The following BMERB1 variants were observed in gnomAD, a reference collection of about 807,000 sequenced individuals.
The protein encoded by BMERB1 is bMERB domain containing 1.
Under a neutral mutation model 23.6 loss-of-function variants are expected in BMERB1, and 12 were observed. The observed-to-expected ratio is 0.51, with a 90% CI of 0.33 to 0.82. The LOEUF (loss-of-function observed/expected upper bound fraction) is 0.82. Among genes scored for constraint, BMERB1 ranks in the 40% least tolerant of loss-of-function variants. The probability of loss-of-function intolerance (pLI) is 0.03; values close to 1 mark genes in which losing one functional copy is unlikely to be tolerated. For missense variants in BMERB1, 247 were observed against 255.4 expected (o/e 0.97, Z 0.22); for synonymous variants, 122 against 96.6 (o/e 1.26, Z -1.54).
rs754135430 is a variant in BMERB1 at position 15,494,877 on chromosome 16, C to CTTTTTTTTT, written c.107-20412_107-20404dup. On this transcript the variant is annotated intron_variant, in intron 1 of 5. Transcript: ENST00000300006. ...TGTTGGTAAATTTCCTTTTTTTTAT[C>CTTTTTTTTT]TTTTTTTTTTTTTTTTTTTTTTTTG... Among the ~76,000 whole-genome samples, 18 of 95,160 alleles carry CTTTTTTTTT rather than the reference C, an allele frequency of 1.9e-4. 1 individual carries two copies. Among genetic ancestry groups the CTTTTTTTTT allele is most frequent in the East Asian group, 1.1e-3 (3 of 2,758 alleles). The allele number at this position is 95,160 out of a possible 152,430, so 62.4% of individuals were successfully genotyped here.
At chr16:15,456,004 TTGG>T (rs2051084540) in intron 1 of BMERB1, among the ~76,000 whole-genome samples, 1 of 152,184 alleles carries the variant, frequency 6.6e-6, no homozygotes, top group Admixed American at 6.5e-5. Flanking sequence ...GTGAAGTAAT[TTGG>T]TGGTATTCAT....
chr16:15,468,209 G>A (rs1012159271), intron 1 of BMERB1, among the ~76,000 whole-genome samples: 3 of 114,282 alleles, frequency 2.6e-5, no homozygotes, highest in Admixed American at 2.6e-4. Flanking sequence ...GCAGTGGCAC[G>A]ATCACAGCTC....
intron 3 of BMERB1, among the ~76,000 whole-genome samples, chr16:15,571,111 C>A (rs760584613): frequency 2.0e-5 from 3 of 152,142 alleles, no homozygotes; most frequent in Admixed American, 1.3e-4. Flanking sequence ...CCTGGGCATT[C>A]AGCCCAGTAG....
intron 1 of BMERB1, among the ~76,000 whole-genome samples, chr16:15,471,311 G>C (rs191056490): frequency 6.6e-6 from 1 of 152,166 alleles, no homozygotes; most frequent in Non-Finnish European, 1.5e-5. Context: ...AGCTCACAAA[G>C]AGAAATATCC....
chr16:15,466,984 C>T (rs1203728467), intron 1 of BMERB1, among the ~76,000 whole-genome samples: 11 of 152,138 alleles, frequency 7.2e-5, no homozygotes, highest in South Asian at 2.1e-4. Context: ...TTTCACTCAC[C>T]GTAATTCTCT....
chr16:15,457,128 C>T (rs771687702), intron 1 of BMERB1, among the ~76,000 whole-genome samples: 1 of 151,980 alleles, frequency 6.6e-6, no homozygotes. Context: ...GCCCAGCCTC[C>T]TCTATACAAA....
intron 1 of BMERB1, among the ~76,000 whole-genome samples, chr16:15,472,452 A>G (rs908547981): frequency 1.3e-5 from 2 of 152,204 alleles, no homozygotes; most frequent in Non-Finnish European, 2.9e-5. Flanking sequence ...GTGCATACAC[A>G]GGATTGCTAT....
intron 1 of BMERB1, among the ~76,000 whole-genome samples, chr16:15,496,952 C>T (rs1049321093): frequency 1.3e-5 from 2 of 152,162 alleles, no homozygotes; most frequent in African/African-American, 4.8e-5. Context: ...TCACCATTCA[C>T]CATTGCTGGC....
At chr16:15,473,168 T>A (rs1315358075) in intron 1 of BMERB1, among the ~76,000 whole-genome samples, 2 of 151,624 alleles carry the variant, frequency 1.3e-5, no homozygotes, top group Non-Finnish European at 2.9e-5. Flanking sequence ...CCAGATTCCA[T>A]CTTTAAAAAA....
rs115363303 is a variant in BMERB1 at position 15,437,830 on chromosome 16, C to T, written c.106+3071C>T. The stretch of plus-strand genomic sequence containing the variant: ...AAAATTAGCTGGGTGTGGCAGTGGG[C>T]GCCTATTGTCCCAGCTGCCGGGGAG... On this transcript the variant is annotated intron_variant, in intron 1 of 5. Coordinates refer to ENST00000300006, the MANE Select transcript of BMERB1 (RefSeq NM_033201.3). Among the ~76,000 whole-genome samples the T allele has an allele frequency of 6.0e-3, 912 of 152,006 alleles. 14 individuals are homozygous for T. Among genetic ancestry groups the T allele is most frequent in the African/African-American group, 0.021 (887 of 41,498 alleles).
intron 1 of BMERB1, among the ~76,000 whole-genome samples, chr16:15,472,769 C>T (rs921209394): frequency 2.0e-5 from 3 of 151,890 alleles, no homozygotes; most frequent in Non-Finnish European, 4.4e-5. Context: ...TTTAAGTCTG[C>T]CATTTTATTG....
At chr16:15,568,545 G>A (rs1247011035) in intron 3 of BMERB1, among the ~76,000 whole-genome samples, 1 of 152,152 alleles carries the variant, frequency 6.6e-6, no homozygotes, top group African/African-American at 2.4e-5. Context: ...GGCTGAGGCA[G>A]GAGAATCACT....
chr16:15,512,521 G>A (rs968049270), intron 1 of BMERB1, among the ~76,000 whole-genome samples: 1 of 151,890 alleles, frequency 6.6e-6, no homozygotes. Context: ...GAGGCAGGAG[G>A]ATTGCTTGAG....
intron 5 of BMERB1, among the ~76,000 whole-genome samples, chr16:15,584,797 A>G (rs2031101360): frequency 6.6e-6 from 1 of 152,110 alleles, no homozygotes; most frequent in African/African-American, 2.4e-5. Flanking sequence ...TAGCTTAGCA[A>G]CTCTGAAGCA....
rs189747627 is a variant in BMERB1, at chr16:15,455,767, A to G, written c.106+21008A>G. 3.7e-3 allele frequency among the ~76,000 whole-genome samples: 565 copies of G among 152,184 alleles called. 5 individuals are homozygous for G. The highest frequency in any genetic ancestry group is 0.013 in the African/African-American group (537 of 41,542). On this transcript the variant is annotated intron_variant, in intron 1 of 5. Coordinates refer to ENST00000300006, the MANE Select transcript of BMERB1 (RefSeq NM_033201.3). Reference sequence around the variant, plus strand: ...ATGAGCCACCGCGCCTGGCCATGTTAACTATATATTAAGATACGAAACAGC... The same window carrying G: ...ATGAGCCACCGCGCCTGGCCATGTTGACTATATATTAAGATACGAAACAGC...
intron 2 of BMERB1, among the ~76,000 whole-genome samples, chr16:15,544,619 T>C (rs2052114955): frequency 6.6e-6 from 1 of 152,224 alleles, no homozygotes; most frequent in African/African-American, 2.4e-5. Context: ...AGTGTTCTCC[T>C]GTTGAATGTA....
At chr16:15,584,748 A>G (rs2031100183) in intron 5 of BMERB1, among the ~76,000 whole-genome samples, 2 of 152,134 alleles carry the variant, frequency 1.3e-5, no homozygotes, top group Middle Eastern at 3.4e-3. Flanking sequence ...TTTTTCCTAC[A>G]ACACAGGCCT....
intron 2 of BMERB1, among the ~76,000 whole-genome samples, chr16:15,530,712 G>A (rs370369077): frequency 3.3e-5 from 5 of 152,052 alleles, no homozygotes; most frequent in African/African-American, 1.2e-4. Context: ...GGGTGGTTGC[G>A]CCATGCTGTT....
At chr16:15,483,891 G>A (rs1190421630) in intron 1 of BMERB1, among the ~76,000 whole-genome samples, 6 of 152,252 alleles carry the variant, frequency 3.9e-5, no homozygotes, top group South Asian at 4.1e-4. Context: ...AAGGAATACC[G>A]GAGGTTGGGT....
Sources: gnomAD v4.1 joint callset for allele counts (sites outside exome capture counted in the v4.1 genomes callset) on GRCh38, gnomAD v4.1.1 for gene constraint, MANE v1.5 for transcripts, NCBI Gene and HGNC (gene_info 2026-07-23, HGNC 2026-07-21) for gene names.